The following NEURL4 variants were observed in gnomAD, a reference collection of about 807,000 sequenced individuals.
NEURL4 encodes neuralized E3 ubiquitin protein ligase 4.
Under a neutral mutation model 148.0 loss-of-function variants are expected in NEURL4, and 45 were observed. The observed-to-expected ratio is 0.30, with a 90% CI of 0.24 to 0.39. The LOEUF (loss-of-function observed/expected upper bound fraction) is 0.39, where lower values mean the gene tolerates loss of function less well. NEURL4 is among the 10% of genes least tolerant of loss of function. The pLI is 1.00. For missense variants in NEURL4, 1,776 were observed against 2,144.0 expected, an observed-to-expected ratio of 0.83 and a Z score of 3.39; for synonymous variants, 854 against 869.0, an observed-to-expected ratio of 0.98 and a Z score of 0.30.
intron 26 of NEURL4, 36 bp downstream of exon 26, chr17:7,317,752 A>G: frequency 6.2e-7 from 1 of 1,607,276 alleles, no homozygotes; most frequent in Non-Finnish European, 8.5e-7. Context: ...CAGGGGGAAA[A>G]CAGTAGGGGA....
chr17:7,319,151 T>A lies in NEURL4; in HGVS notation c.3583A>T (p.Thr1195Ser), dbSNP rs1218913930. ...WTSSLVLGVI[T>S]CAPERLNFPA... ...AAGTTGAGCCTCTCAGGCGCGCAGG[T>A]GATGACTCCCAGGACAAGGGAAGAT... The change falls in exon 22 of 29, where the codon ACC becomes TCC. Residue 1195 changes from threonine (T) to serine (S), a missense_variant. Transcript: ENST00000399464. 3 of 1,613,908 alleles carry A rather than the reference T, an allele frequency of 1.9e-6. No homozygotes were observed. The Admixed American group carries it at 5.0e-5, about 27-fold the overall frequency.
At position 7,320,845 on chromosome 17, in the gene NEURL4, C is replaced by A; in HGVS notation, c.3439G>T (p.Gly1147Trp). 6.2e-7 allele frequency: 1 copy of A among 1,614,112 alleles called. No individual in the cohort carries two copies. Among genetic ancestry groups the A allele is most frequent in the Non-Finnish European group, 8.5e-7 (1 of 1,180,024 alleles). The change falls in exon 21 of 29, where the codon GGG becomes TGG. Residue 1147 changes from glycine (G) to tryptophan (W), a missense_variant. Coordinates refer to ENST00000399464, the MANE Select transcript of NEURL4 (RefSeq NM_032442.3). ...GCCACCCGTGTGGCCGTACGGTTCCCATTAGACAAAAGGATATTCTTCCCA... is the reference window on the plus strand; with the variant it reads ...GCCACCCGTGTGGCCGTACGGTTCCAATTAGACAAAAGGATATTCTTCCCA... Reference protein sequence around the residue: ...NHGKNILLSNGNRTATRVASY... With the variant: ...NHGKNILLSNWNRTATRVASY...
Position 7,327,126 on chromosome 17 carries a change from T to C in NEURL4, c.793+39A>G. On this transcript the variant is annotated intron_variant, in intron 3 of 28. Coordinates refer to ENST00000399464, the MANE Select transcript of NEURL4 (RefSeq NM_032442.3). The surrounding 1 kb of genome is among the most constrained non-coding windows in gnomAD (Gnocchi z 6.6). ...GAGGGCCCTCCCTTGTCCACCTCAC[T>C]TCCCACTCCCCTTCCCAGGGCCTCC... 4.4e-6 allele frequency: 7 copies of C among 1,607,814 alleles called. No homozygotes were observed. The highest frequency in any genetic ancestry group is 5.9e-6 in the Non-Finnish European group (7 of 1,177,984).
Position 7,323,816 on chromosome 17 carries a change from G to T in NEURL4, c.2259C>A (p.Asn753Lys). ...SEFNDAIVIS[N>K]RALRDGELFE... Reference sequence around the variant, plus strand: ...GACATGAAAGTTGAGAGACTGACCGGTTGGAGATGACGATGGCGTCATTAA... The same window carrying T: ...GACATGAAAGTTGAGAGACTGACCGTTTGGAGATGACGATGGCGTCATTAA... The change falls in exon 12 of 29, where the codon AAC becomes AAA. Residue 753 changes from asparagine to lysine, a missense_variant and splice_region_variant. Transcript: ENST00000399464. 6.2e-7 allele frequency: 1 copy of T among 1,614,132 alleles called. No homozygotes were observed. Among genetic ancestry groups the T allele is most frequent in the Non-Finnish European group, 8.5e-7 (1 of 1,180,032 alleles).
rs1468056301 is a variant in NEURL4 at position 7,320,899 on chromosome 17, G to A, written c.3385C>T (p.Pro1129Ser). Residue 1129 changes from proline to serine, a missense_variant, in exon 21 of 29, where the codon CCC (proline) becomes TCC (serine). Coordinates refer to ENST00000399464, the MANE Select transcript of NEURL4 (RefSeq NM_032442.3). ...TTCTCCAGGAACTCGAGGGTGGTGG[G>A]TATAATACCCACTTCATTCTGGCCC... ...LGGQNEVGII[P>S]TTLEFLENHG... 1.4e-5 allele frequency: 22 copies of A among 1,614,060 alleles called. No individual in the cohort carries two copies. In the East Asian group the frequency reaches 4.9e-4, roughly 36 times the overall value.
chr17:7,321,464 G>C lies in NEURL4; in HGVS notation c.3100-5C>G, dbSNP rs778302451. 6.2e-7 allele frequency: 1 copy of C among 1,613,868 alleles called. No individual in the cohort carries two copies. Among genetic ancestry groups the C allele is most frequent in the South Asian group, 1.1e-5 (1 of 91,032 alleles). Reference sequence around the variant, plus strand: ...AACACCCACACGGCTCCCCACCTAGGACCGAGGTAGGACAAGGACGGACGA... The same window carrying C: ...AACACCCACACGGCTCCCCACCTAGCACCGAGGTAGGACAAGGACGGACGA... On this transcript the variant is annotated splice_region_variant and splice_polypyrimidine_tract_variant and intron_variant, in intron 18 of 28. Transcript: ENST00000399464. This position sits in a 1 kb window ranked among gnomAD's most constrained non-coding sequence, Gnocchi z 6.3.
rs1447555805 is a variant in NEURL4 at position 7,327,659 on chromosome 17, G to A, written c.508C>T (p.Arg170Trp). 16 of 1,613,626 alleles carry A rather than the reference G, an allele frequency of 9.9e-6. No individual in the cohort carries two copies. Among genetic ancestry groups the A allele is most frequent in the Admixed American group, 5.0e-5 (3 of 60,004 alleles). ...CAATCCCGCCCATTCACCCAGAGCC[G>A]AAGCTCCCCAGCAACTGTGCGCTCC... ...GVERTVAGEL[R>W]LWVNGRDCGV... is the part of the protein sequence containing the mutation. Residue 170 changes from arginine (R) to tryptophan (W), a missense_variant, in exon 2 of 29, where the codon CGG becomes TGG. By Grantham distance (101) the Arg-to-Trp change is moderately radical. Transcript: ENST00000399464. The surrounding 1 kb of genome is among the most constrained non-coding windows in gnomAD (Gnocchi z 6.6).
In NEURL4 at chr17:7,324,388, T is replaced by G; in HGVS notation, c.1899+7A>C. ...GCGGCCGCCAGGCGGCGCACCCACT[T>G]TCCCACCTTGAGGCGGTCCAGATTG... On this transcript the variant is annotated splice_region_variant and intron_variant, in intron 10 of 28. Transcript: ENST00000399464. The surrounding 1 kb of genome is among the most constrained non-coding windows in gnomAD (Gnocchi z 5.9). 1 of 1,614,102 alleles carries G rather than the reference T, an allele frequency of 6.2e-7. No homozygotes were observed. Among genetic ancestry groups the G allele is most frequent in the Non-Finnish European group, 8.5e-7 (1 of 1,179,976 alleles).
In NEURL4 at chr17:7,318,906, G is replaced by A; in HGVS notation, c.3684+144C>T. The A allele has an allele frequency of 1.0e-6, 1 of 987,956 alleles. No individual in the cohort carries two copies. The highest frequency in any genetic ancestry group is 1.7e-5 in the South Asian group (1 of 58,540). 61.2% of individuals were successfully genotyped at this position (987,956 alleles called of 1,614,324 possible). A position where few individuals can be genotyped will look rare whatever the true frequency, so the allele number is the denominator to read the frequency against. On this transcript the variant is annotated intron_variant, in intron 22 of 28. Transcript: ENST00000399464. The surrounding 1 kb of genome is among the most constrained non-coding windows in gnomAD (Gnocchi z 4.3). The stretch of plus-strand genomic sequence containing the variant: ...GCAGGCCTAAGACTGACCAGGCAAT[G>A]CTACTCGCCCTTGCCTGCCCATTAC...
Position 7,322,868 on chromosome 17 carries a change from T to G in NEURL4, c.2594-2A>C. 1 of 1,612,458 alleles carries G rather than the reference T, an allele frequency of 6.2e-7. No individual in the cohort carries two copies. Among genetic ancestry groups the G allele is most frequent in the Non-Finnish European group, 8.5e-7 (1 of 1,178,692 alleles). ...AGAGATCGACTACCGCATACACCTCTGGGGAGGAGAGGGAAGGTCAGAAGC... is the reference window on the plus strand; with the variant it reads ...AGAGATCGACTACCGCATACACCTCGGGGGAGGAGAGGGAAGGTCAGAAGC... On this transcript the variant is annotated splice_acceptor_variant, in intron 15 of 28. Transcript: ENST00000399464. LOFTEE classifies it high-confidence loss of function. The surrounding 1 kb of genome is among the most constrained non-coding windows in gnomAD (Gnocchi z 5.5).
At position 7,317,522 on chromosome 17, in the gene NEURL4, T is replaced by C. The variant is rs75583706; in HGVS notation, c.4257A>G (p.Ala1419=). ...CAGCGGCAACATTGCTCCCGTGATA[T>C]GCCATGTGCCACTTCTTGGTTAGTG... ...AGTLTKKWHM[A]YHGSNVAAVR... The change falls in exon 27 of 29, where the codon GCA becomes GCG. Residue 1419 remains alanine (A), a synonymous_variant. Coordinates refer to ENST00000399464, the MANE Select transcript of NEURL4 (RefSeq NM_032442.3). 1 of 1,614,166 alleles carries C rather than the reference T, an allele frequency of 6.2e-7. No homozygotes were observed. Among genetic ancestry groups the C allele is most frequent in the East Asian group, 2.2e-5 (1 of 44,884 alleles).
In NEURL4 at chr17:7,318,787, A is replaced by G; in HGVS notation, c.3685-113T>C. ...CTTGGCTTTGCCTCCATGCTTGCCCACTGCCGAGGTTCTCCTCCCACTGCA... is the reference window on the plus strand; with the variant it reads ...CTTGGCTTTGCCTCCATGCTTGCCCGCTGCCGAGGTTCTCCTCCCACTGCA... On this transcript the variant is annotated intron_variant, in intron 22 of 28. Coordinates refer to ENST00000399464, the MANE Select transcript of NEURL4 (RefSeq NM_032442.3). This position sits in a 1 kb window ranked among gnomAD's most constrained non-coding sequence, Gnocchi z 4.3. 8.2e-7 allele frequency: 1 copy of G among 1,217,728 alleles called. No individual in the cohort carries two copies. Among genetic ancestry groups the G allele is most frequent in the Non-Finnish European group, 1.1e-6 (1 of 884,066 alleles). The allele number at this position is 1,217,728 out of a possible 1,614,324, so 75.4% of individuals were successfully genotyped here. A position where few individuals can be genotyped will look rare whatever the true frequency, so the allele number is the denominator to read the frequency against.
chr17:7,325,065 T>C (rs1357899183), intron 8 of NEURL4, 85 bp from the exon 9 acceptor site: 2 of 1,567,446 alleles, frequency 1.3e-6, no homozygotes, highest in East Asian at 2.3e-5. Context: ...CTGCCAACAC[T>C]CACTGCCCCA....
At chr17:7,317,087 CAGCT>C in intron 28 of NEURL4, 114 bp downstream of exon 28, 1 of 637,996 alleles carries the variant, frequency 1.6e-6, no homozygotes, top group Non-Finnish European at 2.5e-6. Context: ...TGGAGACTGG[CAGCT>C]AGCAAGACGA....
Position 7,324,140 on chromosome 17 carries a change from T to C in NEURL4, c.2030A>G (p.Gln677Arg), listed in dbSNP as rs1213614542. ...GVYAVVDLYGQAAQATIVDDV... is the reference protein window; with the variant it reads ...GVYAVVDLYGRAAQATIVDDV... ...GTCCACAATGGTGGCCTGGGCCGCC[T>C]GGCCATAGAGATCGACGACAGCATA... Residue 677 changes from glutamine to arginine, a missense_variant, in exon 11 of 29, where the codon CAG (glutamine) becomes CGG (arginine). Gln to Arg is a conservative substitution (Grantham distance 43, BLOSUM62 1). Transcript: ENST00000399464. This position sits in a 1 kb window ranked among gnomAD's most constrained non-coding sequence, Gnocchi z 5.9. The C allele has an allele frequency of 3.7e-6, 6 of 1,613,544 alleles. No individual in the cohort carries two copies. Among genetic ancestry groups the C allele is most frequent in the Non-Finnish European group, 5.1e-6 (6 of 1,179,992 alleles).
Position 7,318,560 on chromosome 17 carries a change from C to T in NEURL4, c.3799G>A (p.Val1267Ile), listed in dbSNP as rs765580978. Residue 1267 changes from valine (V) to isoleucine (I), a missense_variant, in exon 23 of 29, where the codon GTA (valine) becomes ATA (isoleucine). By Grantham distance (29) the Val-to-Ile change is conservative. Coordinates refer to ENST00000399464, the MANE Select transcript of NEURL4 (RefSeq NM_032442.3). The surrounding 1 kb of genome is among the most constrained non-coding windows in gnomAD (Gnocchi z 4.3). ...GGCTGGGGCACATCTGGCACAGCTACCCCCTGGTCCACCCCATTAACATGA... is the reference window on the plus strand; with the variant it reads ...GGCTGGGGCACATCTGGCACAGCTATCCCCTGGTCCACCCCATTAACATGA... ...HLHVNGVDQG[V>I]AVPDVPQPCH... The T allele has an allele frequency of 8.7e-6, 14 of 1,613,604 alleles. No homozygotes were observed. The highest frequency in any genetic ancestry group is 1.7e-5 in the Admixed American group (1 of 59,920).
chr17:7,326,742 T>C lies in NEURL4; in HGVS notation c.1061A>G (p.Asn354Ser), dbSNP rs758530421. The C allele has an allele frequency of 4.3e-6, 7 of 1,612,076 alleles. No homozygotes were observed. The highest frequency in any genetic ancestry group is 1.7e-5 in the Admixed American group (1 of 59,332). ...DEFNNGVVMTNRPLRDNEMFE... is the reference protein window; with the variant it reads ...DEFNNGVVMTSRPLRDNEMFE... Reference sequence around the variant, plus strand: ...CATCTCATTGTCCCGAAGGGGGCGATTGGTCATGACAACCCCATTGTTGAA... The same window carrying C: ...CATCTCATTGTCCCGAAGGGGGCGACTGGTCATGACAACCCCATTGTTGAA... The change falls in exon 4 of 29, where the codon AAT (asparagine) becomes AGT (serine). Residue 354 changes from asparagine (N) to serine (S), a missense_variant. Asn to Ser is a conservative substitution (Grantham distance 46, BLOSUM62 1). Coordinates refer to ENST00000399464, the MANE Select transcript of NEURL4 (RefSeq NM_032442.3). The surrounding 1 kb of genome is among the most constrained non-coding windows in gnomAD (Gnocchi z 6.0).
rs775184518 is a variant in NEURL4 at position 7,325,235 on chromosome 17, G to A, written c.1605C>T (p.His535=). Residue 535 remains histidine (H), a synonymous_variant, in exon 8 of 29, where the codon CAC becomes CAT. Transcript: ENST00000399464. Reference sequence around the variant, plus strand: ...GGGGCCTCAGGGCAGTGCGTCCCTCGTGGGTGATGGCTGCCTTCTGCCCAC... The same window carrying A: ...GGGGCCTCAGGGCAGTGCGTCCCTCATGGGTGATGGCTGCCTTCTGCCCAC... ...PNCGQKAAIT[H]EGRTALRPHA... The A allele has an allele frequency of 1.3e-5, 21 of 1,600,558 alleles. No individual in the cohort carries two copies. Among genetic ancestry groups the A allele is most frequent in the Admixed American group, 3.6e-5 (2 of 55,978 alleles).
At position 7,321,694 on chromosome 17, in the gene NEURL4, CGCCT is replaced by C; in HGVS notation, c.2961_2964del (p.Gly988ValfsTer26). ...GAAGGAGGCAGCCCTGGGCCACCAC[CGCCT>C]GCCCCGGGTCCCATCTCCCCCGGTG... is the stretch of plus-strand genomic sequence containing the variant. On this transcript the variant is annotated frameshift_variant, in exon 18 of 29. Coordinates refer to ENST00000399464, the MANE Select transcript of NEURL4 (RefSeq NM_032442.3). LOFTEE classifies it high-confidence loss of function. The surrounding 1 kb of genome is among the most constrained non-coding windows in gnomAD (Gnocchi z 6.3). The C allele has an allele frequency of 6.2e-7, 1 of 1,613,758 alleles. No homozygotes were observed. Among genetic ancestry groups the C allele is most frequent in the Non-Finnish European group, 8.5e-7 (1 of 1,180,040 alleles).
Sources: gnomAD v4.1 joint callset for allele counts on GRCh38, gnomAD v4.1.1 for gene constraint, Gnocchi (gnomAD v3.1) non-coding constraint, MANE v1.5 for transcripts, NCBI Gene and HGNC (gene_info 2026-07-23, HGNC 2026-07-21) for gene names.